POLR3B: variants seen among roughly 807,000 people sequenced by gnomAD.
POLR3B encodes RNA polymerase III subunit B.
Under a neutral mutation model 147.4 loss-of-function variants are expected in POLR3B, and 96 were observed. That is an observed-to-expected ratio of 0.65 (90% CI 0.55 to 0.77). The LOEUF (loss-of-function observed/expected upper bound fraction) is 0.77, where lower values mean the gene tolerates loss of function less well. Ranked by LOEUF, POLR3B falls within the 30% of genes least tolerant of loss-of-function variation. POLR3B has a pLI of 0.00. For missense variants in POLR3B, 1,036 were observed against 1,413.5 expected (o/e 0.73, Z 4.28); for synonymous variants, 461 against 485.9 (o/e 0.95, Z 0.67).
chr12:106,457,433 G>T, intron 21 of POLR3B, 137 bp downstream of exon 21: 2 of 688,374 alleles, frequency 2.9e-6, no homozygotes, highest in Non-Finnish European at 5.1e-6. Flanking sequence ...AACCAATGAG[G>T]TCATTTTTGA....
intron 23 of POLR3B, among the ~76,000 whole-genome samples, chr12:106,478,827 C>T (rs775499382): frequency 1.3e-5 from 2 of 152,116 alleles, no homozygotes; most frequent in Admixed American, 6.5e-5. Context: ...CCTTGTCTCT[C>T]CTCCTCACCC....
chr12:106,414,681 T>C (rs1420636174), intron 12 of POLR3B, among the ~76,000 whole-genome samples: 1 of 152,176 alleles, frequency 6.6e-6, no homozygotes, highest in Non-Finnish European at 1.5e-5. Context: ...AGTCATATTG[T>C]AGTAACCAGA....
Position 106,369,443 on chromosome 12 carries a change from T to TG in POLR3B, c.303+101dup, listed in dbSNP as rs531467087. ...CTTAAAAGATCATTTAAAAATGGGA[T>TG]GGGGGGGGACATTCTTTGGAGAAAA... On this transcript the variant is annotated intron_variant, in intron 5 of 27. Coordinates refer to ENST00000228347, the MANE Select transcript of POLR3B (RefSeq NM_018082.6). 7.6e-4 allele frequency: 716 copies of TG among 946,968 alleles called. 3 individuals are homozygous for TG. Among genetic ancestry groups the TG allele is most frequent in the African/African-American group, 6.3e-3 (391 of 61,916 alleles). The allele number at this position is 946,968 out of a possible 1,614,324, so 58.7% of individuals were successfully genotyped here.
intron 11 of POLR3B, among the ~76,000 whole-genome samples, chr12:106,408,275 A>G (rs2037176378): frequency 6.6e-6 from 1 of 152,178 alleles, no homozygotes; most frequent in Non-Finnish European, 1.5e-5. Flanking sequence ...TGTAGAGGGA[A>G]AAACACGGGC....
chr12:106,430,821 T>C (rs187088169), intron 14 of POLR3B, among the ~76,000 whole-genome samples: 67 of 152,272 alleles, frequency 4.4e-4, no homozygotes, highest in African/African-American at 1.5e-3. Context: ...AGGGGCTCTT[T>C]TTGAGCAGCT....
chr12:106,444,056 C>T (rs545792799), intron 18 of POLR3B, among the ~76,000 whole-genome samples: 1 of 149,586 alleles, frequency 6.7e-6, no homozygotes, highest in South Asian at 2.1e-4. Flanking sequence ...CTCTTGACCT[C>T]ATGATCCACC....
intron 11 of POLR3B, among the ~76,000 whole-genome samples, chr12:106,408,955 C>T (rs2037185036): frequency 6.6e-6 from 1 of 152,144 alleles, no homozygotes; most frequent in Non-Finnish European, 1.5e-5. Context: ...GACTGTACCT[C>T]TAATCGAGTG....
chr12:106,487,385 A>G (rs950582212), intron 23 of POLR3B, among the ~76,000 whole-genome samples: 1 of 152,194 alleles, frequency 6.6e-6, no homozygotes, highest in Non-Finnish European at 1.5e-5. Flanking sequence ...CTTTTGTAGT[A>G]TCTCCTGCAA....
At chr12:106,443,253 A>AT (rs1468918849) in intron 18 of POLR3B, among the ~76,000 whole-genome samples, 1 of 152,210 alleles carries the variant, frequency 6.6e-6, no homozygotes, top group Admixed American at 6.5e-5. Context: ...TTGGATGCCA[A>AT]TTTTTTATCA....
At chr12:106,470,976 A>C (rs1592760098) in intron 23 of POLR3B, among the ~76,000 whole-genome samples, 1 of 152,138 alleles carries the variant, frequency 6.6e-6, no homozygotes, top group African/African-American at 2.4e-5. Context: ...TGCTGGGAGA[A>C]CCACTGCTCT....
At chr12:106,479,201 T>C (rs971624337) in intron 23 of POLR3B, among the ~76,000 whole-genome samples, 2 of 152,088 alleles carry the variant, frequency 1.3e-5, no homozygotes. Context: ...CCATACCCTT[T>C]CTGGTTTTCT....
chr12:106,481,374 C>T (rs1426245605), intron 23 of POLR3B, among the ~76,000 whole-genome samples: 1 of 152,206 alleles, frequency 6.6e-6, no homozygotes, highest in Non-Finnish European at 1.5e-5. Context: ...AAAGTAGAGC[C>T]TCCTGGAATT....
chr12:106,487,714 C>T (rs1028548873), intron 23 of POLR3B, among the ~76,000 whole-genome samples: 2 of 152,164 alleles, frequency 1.3e-5, no homozygotes, highest in Non-Finnish European at 2.9e-5. Flanking sequence ...CTGTCCCGCT[C>T]AAGCCTGATC....
intron 23 of POLR3B, among the ~76,000 whole-genome samples, chr12:106,471,030 T>A (rs1031199842): frequency 1.3e-5 from 2 of 152,168 alleles, no homozygotes; most frequent in Admixed American, 6.5e-5. Context: ...GGAGAAGCTC[T>A]CTGCTGCCTT....
chr12:106,428,406 A>G (rs866751045), intron 13 of POLR3B, among the ~76,000 whole-genome samples: 1 of 152,222 alleles, frequency 6.6e-6, no homozygotes, highest in South Asian at 2.1e-4. Context: ...ACTCTAGGCA[A>G]CAGAAAAAGA....
At chr12:106,443,930 T>C (rs1410428412) in intron 18 of POLR3B, among the ~76,000 whole-genome samples, 1 of 152,194 alleles carries the variant, frequency 6.6e-6, no homozygotes, top group Non-Finnish European at 1.5e-5. Flanking sequence ...GTTCAAGCAA[T>C]TCTCCTGCCT....
intron 6 of POLR3B, among the ~76,000 whole-genome samples, chr12:106,374,600 C>T (rs541240945): frequency 4.5e-4 from 69 of 151,956 alleles, no homozygotes; most frequent in African/African-American, 9.9e-4. Flanking sequence ...CTGCAACCTC[C>T]GCCTCCCAGG....
chr12:106,426,853 C>T (rs1165037140), intron 12 of POLR3B, among the ~76,000 whole-genome samples: 1 of 82,114 alleles, frequency 1.2e-5, no homozygotes, highest in East Asian at 4.0e-4. Context: ...CCCCCCCCCC[C>T]CCCGTCCTTT....
At chr12:106,507,781 A>G (rs1294649451) in intron 27 of POLR3B, 1 of 456,040 alleles carries the variant, frequency 2.2e-6, no homozygotes. Context: ...CCACGTGCAC[A>G]TTCTCAGCCT....
Sources: gnomAD v4.1 joint callset for allele counts (sites outside exome capture counted in the v4.1 genomes callset) on GRCh38, gnomAD v4.1.1 for gene constraint, MANE v1.5 for transcripts, NCBI Gene and HGNC (gene_info 2026-07-23, HGNC 2026-07-21) for gene names.